Variants in AGBL1 observed in about 807,000 individuals in gnomAD.
AGBL1 encodes the protein AGBL carboxypeptidase 1.
A neutral mutation model predicts 118.9 loss-of-function variants in AGBL1; 130 were observed. That is an observed-to-expected ratio of 1.09 (90% CI 0.95 to 1.26). The LOEUF (loss-of-function observed/expected upper bound fraction) is 1.26, where lower values mean the gene tolerates loss of function less well. Among genes scored for constraint, AGBL1 ranks in the 50% most tolerant of loss-of-function variants. The pLI is 0.00. For synonymous variants in AGBL1, 555 were observed against 478.9 expected, an observed-to-expected ratio of 1.16 and a Z score of -2.08; for missense variants, 1,584 against 1,298.1, an observed-to-expected ratio of 1.22 and a Z score of -3.38.
At chr15:86,165,198 T>A (rs1358748198) in intron 5 of AGBL1, among the ~76,000 whole-genome samples, 1 of 152,162 alleles carries the variant, frequency 6.6e-6, no homozygotes, top group Non-Finnish European at 1.5e-5. Context: ...TAGCTCCTTG[T>A]GCTTGGAATA....
At chr15:86,634,832 GTTTCATTTGCA>G (rs2085050271) in intron 21 of AGBL1, among the ~76,000 whole-genome samples, 1 of 151,978 alleles carries the variant, frequency 6.6e-6, no homozygotes, top group Non-Finnish European at 1.5e-5. Flanking sequence ...AAAATGTTCC[GTTTCATTTGCA>G]TTATGTTGCC....
At chr15:86,484,333 G>A (rs977717400) in intron 18 of AGBL1, among the ~76,000 whole-genome samples, 1 of 152,096 alleles carries the variant, frequency 6.6e-6, no homozygotes, top group East Asian at 1.9e-4. Flanking sequence ...CTGCACAGAG[G>A]AGGGCAGCGA....
At chr15:86,464,913 G>T (rs2082383232) in intron 18 of AGBL1, among the ~76,000 whole-genome samples, 1 of 151,840 alleles carries the variant, frequency 6.6e-6, no homozygotes, top group Non-Finnish European at 1.5e-5. Context: ...TTTTCTTGGT[G>T]GTAGTCTCTG....
intron 1 of AGBL1, among the ~76,000 whole-genome samples, chr15:86,139,044 T>C (rs575055187): frequency 3.3e-5 from 5 of 152,270 alleles, no homozygotes; most frequent in Admixed American, 1.3e-4. Context: ...GGCACCCACA[T>C]TGGTACACGT....
intron 22 of AGBL1, among the ~76,000 whole-genome samples, chr15:86,722,883 G>T (rs557462716): frequency 1.6e-4 from 25 of 152,280 alleles, no homozygotes; most frequent in African/African-American, 5.5e-4. Context: ...CATTTATGCA[G>T]CCAAAAGACA....
chr15:86,728,157 A>G (rs1163571843), intron 22 of AGBL1, among the ~76,000 whole-genome samples: 3 of 152,184 alleles, frequency 2.0e-5, no homozygotes. Context: ...GAAAGGATGT[A>G]CCTATTTTAT....
At position 86,840,840 on chromosome 15, in the gene AGBL1, C is replaced by T. The variant is rs1324942930; in HGVS notation, c.3159-66247C>T. ...CTCCAACATGTTTGAATTAACTATG[C>T]CCCAGTTTTTGTGTTTCCCTAGGTC... On this transcript the variant is annotated intron_variant, in intron 22 of 22. Coordinates refer to ENST00000614907, the MANE Select transcript of AGBL1 (RefSeq NM_001386094.1). 2.0e-5 allele frequency among the ~76,000 whole-genome samples: 3 copies of T among 152,248 alleles called. No individual in the cohort carries two copies. In the East Asian group the frequency reaches 5.8e-4, roughly 29 times the overall value.
intron 5 of AGBL1, among the ~76,000 whole-genome samples, chr15:86,217,749 G>T (rs1329067870): frequency 6.6e-6 from 1 of 152,202 alleles, no homozygotes; most frequent in Non-Finnish European, 1.5e-5. Context: ...TGGGGCAGAG[G>T]TATAGAAAGC....
chr15:86,881,591 C>A (rs77925778), intron 22 of AGBL1, among the ~76,000 whole-genome samples: 2,685 of 152,192 alleles, frequency 0.018, 82 homozygotes, highest in East Asian at 0.15. Flanking sequence ...AAAGAAATAC[C>A]TTTACATGGC....
At chr15:86,603,893 A>T (rs1193212353) in intron 21 of AGBL1, among the ~76,000 whole-genome samples, 1 of 151,952 alleles carries the variant, frequency 6.6e-6, no homozygotes, top group Admixed American at 6.6e-5. Context: ...GCAAATTTCC[A>T]CTTTCTTTTC....
At chr15:86,859,588 AG>A (rs1174094400) in intron 22 of AGBL1, among the ~76,000 whole-genome samples, 4 of 152,144 alleles carry the variant, frequency 2.6e-5, no homozygotes, top group Non-Finnish European at 4.4e-5. Flanking sequence ...AGTTTTGGTA[AG>A]GCATTCTGCT....
intron 18 of AGBL1, among the ~76,000 whole-genome samples, chr15:86,415,828 T>C (rs2081685642): frequency 6.6e-6 from 1 of 152,202 alleles, no homozygotes; most frequent in Non-Finnish European, 1.5e-5. Context: ...GTCATCCATT[T>C]TGTACACTAA....
chr15:86,182,538 C>T (rs1041746698), intron 5 of AGBL1, among the ~76,000 whole-genome samples: 2 of 152,048 alleles, frequency 1.3e-5, no homozygotes, highest in Non-Finnish European at 2.9e-5. Flanking sequence ...AGAATATTCT[C>T]GAGAATGCAA....
chr15:86,189,207 T>C (rs2077678327), intron 5 of AGBL1, among the ~76,000 whole-genome samples: 2 of 152,180 alleles, frequency 1.3e-5, no homozygotes, highest in African/African-American at 2.4e-5. Flanking sequence ...AGGTTAAACT[T>C]CGTGTTTTAA....
At chr15:86,350,943 T>C (rs1596001641) in intron 17 of AGBL1, among the ~76,000 whole-genome samples, 3 of 152,274 alleles carry the variant, frequency 2.0e-5, no homozygotes, top group South Asian at 4.1e-4. Flanking sequence ...AATTAAAAAA[T>C]AAGGGCATTT....
At chr15:86,478,699 C>G (rs923583126) in intron 18 of AGBL1, among the ~76,000 whole-genome samples, 1 of 152,154 alleles carries the variant, frequency 6.6e-6, no homozygotes, top group Non-Finnish European at 1.5e-5. Flanking sequence ...ATCAAGCTAC[C>G]AATGACTTTC....
chr15:86,505,772 G>A (rs1023494087), intron 18 of AGBL1, among the ~76,000 whole-genome samples: 1 of 151,548 alleles, frequency 6.6e-6, no homozygotes, highest in Non-Finnish European at 1.5e-5. Flanking sequence ...CAATATCTGG[G>A]CTTCCACAAG....
At chr15:86,239,412 C>T (rs1412074424) in intron 6 of AGBL1, among the ~76,000 whole-genome samples, 2 of 152,122 alleles carry the variant, frequency 1.3e-5, no homozygotes, top group African/African-American at 4.8e-5. Flanking sequence ...CATTAGGTTT[C>T]CTTATGCTTT....
intron 17 of AGBL1, among the ~76,000 whole-genome samples, chr15:86,314,940 G>A (rs1450972954): frequency 6.6e-6 from 1 of 152,190 alleles, no homozygotes. Flanking sequence ...ATTTTGGAAA[G>A]TGGCTTAAAC....
Sources: gnomAD v4.1 joint callset for allele counts (sites outside exome capture counted in the v4.1 genomes callset) on GRCh38, gnomAD v4.1.1 for gene constraint, MANE v1.5 for transcripts, NCBI Gene and HGNC (gene_info 2026-07-23, HGNC 2026-07-21) for gene names.